The following CYTH3 variants were observed in gnomAD, a reference collection of about 807,000 sequenced individuals.
CYTH3 encodes the protein cytohesin 3.
CYTH3 carries 23 observed loss-of-function variants against 55.1 expected under a neutral mutation model. The observed-to-expected ratio is 0.42, with a 90% CI of 0.30 to 0.59. The LOEUF (loss-of-function observed/expected upper bound fraction) is 0.59, where lower values mean the gene tolerates loss of function less well. Ranked by LOEUF, CYTH3 falls within the 20% of genes least tolerant of loss-of-function variation. The pLI is 0.20. For missense variants in CYTH3, 413 were observed against 524.8 expected (o/e 0.79, Z 2.08); for synonymous variants, 249 against 194.9 (o/e 1.28, Z -2.31).
At chr7:6,234,796 A>G (rs573941959) in intron 1 of CYTH3, among the ~76,000 whole-genome samples, 1 of 152,340 alleles carries the variant, frequency 6.6e-6, no homozygotes, top group South Asian at 2.1e-4. Flanking sequence ...CTTGGTCAAG[A>G]AAAGTCACCC....
chr7:6,268,050 T>C (rs1040592590), intron 1 of CYTH3, among the ~76,000 whole-genome samples: 3 of 152,214 alleles, frequency 2.0e-5, no homozygotes, highest in Non-Finnish European at 4.4e-5. Context: ...CAGGTAACCA[T>C]TGTTATTGGT....
At chr7:6,206,470 C>A (rs1311622923) in intron 1 of CYTH3, among the ~76,000 whole-genome samples, 1 of 152,182 alleles carries the variant, frequency 6.6e-6, no homozygotes, top group African/African-American at 2.4e-5. Context: ...GAAAGTACTG[C>A]CTGAAGAAGG....
In CYTH3 at chr7:6,171,208, A is replaced by C; in HGVS notation, c.556T>G (p.Ser186Ala). The change falls in exon 7 of 13, where the codon TCC (serine) becomes GCC (alanine). Residue 186 changes from serine to alanine, a missense_variant. Ser to Ala is a moderately conservative substitution (Grantham distance 99). Coordinates refer to ENST00000350796, the MANE Select transcript of CYTH3 (RefSeq NM_004227.4). The surrounding 1 kb of genome is among the most constrained non-coding windows in gnomAD (Gnocchi z 6.7). ...YCLCNPGVFQ[S>A]TDTCYVLSFA... ...CTGTGGGCTCTGCACTGACCTGTGG[A>C]CTGGAAGACCCCGGGGTTGCACAGG... 2 of 1,614,090 alleles carry C rather than the reference A, an allele frequency of 1.2e-6. No homozygotes were observed. The highest frequency in any genetic ancestry group is 1.7e-6 in the Non-Finnish European group (2 of 1,179,984).
chr7:6,194,917 G>C (rs763173619), intron 1 of CYTH3, among the ~76,000 whole-genome samples: 3 of 152,150 alleles, frequency 2.0e-5, no homozygotes, highest in Non-Finnish European at 4.4e-5. Context: ...GGAAGTTGCA[G>C]TGAGCCGAGA....
At chr7:6,185,358 G>T (rs544740013) in intron 4 of CYTH3, among the ~76,000 whole-genome samples, 1 of 151,480 alleles carries the variant, frequency 6.6e-6, no homozygotes, top group East Asian at 1.9e-4. Context: ...GGCTGAGGTG[G>T]GCAGATCACC....
chr7:6,233,655 CAA>C (rs557639314), intron 1 of CYTH3, among the ~76,000 whole-genome samples: 851 of 79,576 alleles, frequency 0.011, 5 homozygotes, highest in African/African-American at 0.027. Context: ...GACTCCATCT[CAA>C]AAAAAAAAAA....
chr7:6,185,900 C>T (rs1783631395), intron 4 of CYTH3, among the ~76,000 whole-genome samples: 1 of 152,020 alleles, frequency 6.6e-6, no homozygotes, highest in Non-Finnish European at 1.5e-5. Flanking sequence ...AAATAATTAA[C>T]TCATTAGCAC....
intron 4 of CYTH3, among the ~76,000 whole-genome samples, chr7:6,179,172 A>C (rs1027241067): frequency 6.6e-6 from 1 of 152,214 alleles, no homozygotes; most frequent in African/African-American, 2.4e-5. Context: ...TTCTGGCATA[A>C]TCACATGATG....
chr7:6,171,100 A>T lies in CYTH3; in HGVS notation c.562+102T>A. On this transcript the variant is annotated intron_variant, in intron 7 of 12. Coordinates refer to ENST00000350796, the MANE Select transcript of CYTH3 (RefSeq NM_004227.4). This position sits in a 1 kb window ranked among gnomAD's most constrained non-coding sequence, Gnocchi z 6.7. Reference sequence around the variant, plus strand: ...CAGGTCGTCCTCGCTCAGGGAAGGCAGGTCCCCAGGAACACACGCTGGGCT... The same window carrying T: ...CAGGTCGTCCTCGCTCAGGGAAGGCTGGTCCCCAGGAACACACGCTGGGCT... The T allele has an allele frequency of 1.3e-6, 2 of 1,582,838 alleles. No homozygotes were observed. The highest frequency in any genetic ancestry group is 1.7e-6 in the Non-Finnish European group (2 of 1,156,188).
intron 1 of CYTH3, among the ~76,000 whole-genome samples, chr7:6,214,151 G>C (rs537113738): frequency 1.3e-5 from 2 of 152,166 alleles, no homozygotes. Context: ...AAAGTAAGAT[G>C]GATGGATGGA....
intron 1 of CYTH3, among the ~76,000 whole-genome samples, chr7:6,211,423 C>G (rs1784317027): frequency 6.6e-6 from 1 of 152,258 alleles, no homozygotes; most frequent in South Asian, 2.1e-4. Flanking sequence ...ACTTCATTAG[C>G]TGTGCAAGAC....
chr7:6,210,943 A>G (rs1784306983), intron 1 of CYTH3, among the ~76,000 whole-genome samples: 1 of 152,256 alleles, frequency 6.6e-6, no homozygotes, highest in Non-Finnish European at 1.5e-5. Flanking sequence ...ATATTTGATC[A>G]CAAAATGGAG....
chr7:6,220,107 G>A (rs998536879), intron 1 of CYTH3, among the ~76,000 whole-genome samples: 1 of 151,970 alleles, frequency 6.6e-6, no homozygotes, highest in Non-Finnish European at 1.5e-5. Flanking sequence ...TGAGACCACA[G>A]TCTGGTCTCA....
intron 1 of CYTH3, among the ~76,000 whole-genome samples, chr7:6,246,018 G>C (rs922400842): frequency 2.0e-5 from 3 of 151,994 alleles, no homozygotes; most frequent in African/African-American, 7.3e-5. Flanking sequence ...AAAGGTACTT[G>C]CTTCTTAAAG....
chr7:6,188,374 C>T (rs1408690810), intron 2 of CYTH3, among the ~76,000 whole-genome samples: 2 of 151,644 alleles, frequency 1.3e-5, no homozygotes, highest in Non-Finnish European at 2.9e-5. Flanking sequence ...AAAAGCCCAG[C>T]AAAAGGAAAG....
chr7:6,204,599 T>C (rs1010062742), intron 1 of CYTH3, among the ~76,000 whole-genome samples: 3 of 152,220 alleles, frequency 2.0e-5, no homozygotes, highest in Non-Finnish European at 2.9e-5. Flanking sequence ...ATTCAGGTTC[T>C]GTGGACCCCA....
intron 1 of CYTH3, among the ~76,000 whole-genome samples, chr7:6,268,796 C>T (rs1306415744): frequency 4.6e-5 from 7 of 152,176 alleles, no homozygotes; most frequent in Admixed American, 1.3e-4. Flanking sequence ...TCCAGAGAAA[C>T]CATCCCTTTA....
intron 1 of CYTH3, among the ~76,000 whole-genome samples, chr7:6,222,552 C>T (rs960898846): frequency 6.6e-6 from 1 of 152,048 alleles, no homozygotes; most frequent in Non-Finnish European, 1.5e-5. Context: ...GGAGACCATC[C>T]TGGTTAATAC....
chr7:6,165,674 C>G, intron 10 of CYTH3, 58 bp from the exon 11 acceptor site: 1 of 1,612,886 alleles, frequency 6.2e-7, no homozygotes, highest in Non-Finnish European at 8.5e-7. Flanking sequence ...GAGGGTCCCT[C>G]GGCCCCAGGG....
Sources: allele counts gnomAD v4.1 joint callset (sites outside exome capture counted in the v4.1 genomes callset), GRCh38; gene constraint gnomAD v4.1.1; non-coding constraint Gnocchi (gnomAD v3.1); transcripts MANE v1.5; gene names NCBI Gene and HGNC (gene_info 2026-07-23, HGNC 2026-07-21).